The following TRPV3 variants were observed in gnomAD, a reference collection of about 807,000 sequenced individuals.
The protein encoded by TRPV3 is VRL-3.
TRPV3 carries 88 observed loss-of-function variants against 87.1 expected under a neutral mutation model. The ratio of observed to expected loss-of-function variants is 1.01; its 90% CI spans 0.85 to 1.21. TRPV3 has a LOEUF of 1.21. Among genes scored for constraint, TRPV3 ranks in the 50% most tolerant of loss-of-function variants. The pLI is 0.00. For synonymous variants in TRPV3, 438 were observed against 423.3 expected, an observed-to-expected ratio of 1.03 and a Z score of -0.43; for missense variants, 1,054 against 1,030.1, an observed-to-expected ratio of 1.02 and a Z score of -0.32.
At chr17:3,546,937 C>T (rs985811582) in intron 2 of TRPV3, 45 of 202,352 alleles carry the variant, frequency 2.2e-4, no homozygotes, top group Non-Finnish European at 4.1e-4. Context: ...TACTGCACTC[C>T]AGCCTGAGTA....
intron 2 of TRPV3, among the ~76,000 whole-genome samples, chr17:3,546,148 T>C (rs661835): frequency 0.31 from 46,482 of 151,938 alleles, 7,645 homozygotes; most frequent in Middle Eastern, 0.39. Context: ...CTGCACTTTA[T>C]GGAAGACAAA....
intron 8 of TRPV3, among the ~76,000 whole-genome samples, chr17:3,532,040 T>C (rs1215870357): frequency 6.6e-6 from 1 of 152,034 alleles, no homozygotes; most frequent in African/African-American, 2.4e-5. Context: ...CCAGAATCAG[T>C]CCCCTGAGAA....
At chr17:3,545,824 C>A (rs1372366703) in intron 2 of TRPV3, among the ~76,000 whole-genome samples, 46 of 124,544 alleles carry the variant, frequency 3.7e-4, no homozygotes, top group African/African-American at 4.5e-4. Flanking sequence ...ACTTAAAATG[C>A]AAAAAAAAAA....
At chr17:3,515,094 T>C (rs1251983757) in intron 16 of TRPV3, among the ~76,000 whole-genome samples, 1 of 152,020 alleles carries the variant, frequency 6.6e-6, no homozygotes, top group Non-Finnish European at 1.5e-5. Context: ...GTGGTTAGGG[T>C]CAGTGCCCCA....
intron 7 of TRPV3, among the ~76,000 whole-genome samples, chr17:3,533,606 C>T (rs1407284419): frequency 1.3e-5 from 2 of 150,712 alleles, no homozygotes; most frequent in Non-Finnish European, 2.9e-5. Flanking sequence ...TCAAGCTATT[C>T]TCCTGCCTCA....
Position 3,530,056 on chromosome 17 carries a change from C to T in TRPV3, c.1213G>A (p.Glu405Lys). ...ATGTTGGTGTTGTAGACAGTGATTT[C>T]CAGCACTGAGTTGTCCGTGGTGGTG... ...VDTTTDNSVLEITVYNTNIDN... is the reference protein window; with the variant it reads ...VDTTTDNSVLKITVYNTNIDN... The change falls in exon 9 of 18, where the codon GAA (glutamate) becomes AAA (lysine). Residue 405 changes from glutamate (E) to lysine (K), a missense_variant. Transcript: ENST00000576742. The surrounding 1 kb of genome is among the most constrained non-coding windows in gnomAD (Gnocchi z 4.0). 6.2e-7 allele frequency: 1 copy of T among 1,613,832 alleles called. No individual in the cohort carries two copies. Among genetic ancestry groups the T allele is most frequent in the Non-Finnish European group, 8.5e-7 (1 of 1,179,838 alleles).
In TRPV3 at chr17:3,511,194, T is replaced by C. The variant is rs537007638; in HGVS notation, c.*2723A>G. 1.3e-5 allele frequency: 2 copies of C among 152,298 alleles called. No homozygotes were observed. Among genetic ancestry groups the C allele is most frequent in the South Asian group, 4.1e-4 (2 of 4,826 alleles). The allele number at this position is 152,298 out of a possible 1,614,324, so 9.4% of individuals were successfully genotyped here. The stretch of plus-strand genomic sequence containing the variant: ...GTGTGTGTGTGCATGGGTGTGGTTT[T>C]GTGCACCCCTGTGGGCACACTTGAA... On this transcript the variant is annotated 3_prime_UTR_variant, in exon 18 of 18. Transcript: ENST00000576742.
intron 13 of TRPV3, among the ~76,000 whole-genome samples, chr17:3,522,727 G>C (rs560337015): frequency 3.6e-4 from 54 of 151,078 alleles, no homozygotes; most frequent in African/African-American, 1.2e-3. Context: ...TGGGGCGGGA[G>C]AATTGCTTGA....
Position 3,528,033 on chromosome 17 carries a change from C to G in TRPV3, c.1495G>C (p.Val499Leu), listed in dbSNP as rs1250357395. 2.5e-6 allele frequency: 4 copies of G among 1,613,474 alleles called. No individual in the cohort carries two copies. The Admixed American group carries it at 6.7e-5, about 27-fold the overall frequency. ...FVLIWAMCIS[V>L]KEGIAIFLLR... ...CCGGGTGGCCCACTTACCTCTTTCACAGAGATGCACATGGCCCAGATGAGC... is the reference window on the plus strand; with the variant it reads ...CCGGGTGGCCCACTTACCTCTTTCAGAGAGATGCACATGGCCCAGATGAGC... The change falls in exon 11 of 18, where the codon GTG (valine) becomes CTG (leucine). Residue 499 changes from valine to leucine, a missense_variant. Val to Leu is a conservative substitution (Grantham distance 32). Coordinates refer to ENST00000576742, the MANE Select transcript of TRPV3 (RefSeq NM_145068.4). This position sits in a 1 kb window ranked among gnomAD's most constrained non-coding sequence, Gnocchi z 4.2.
chr17:3,549,728 TGGA>T (rs1440066913), intron 2 of TRPV3, among the ~76,000 whole-genome samples: 29 of 141,868 alleles, frequency 2.0e-4, no homozygotes, highest in Non-Finnish European at 7.7e-5. Flanking sequence ...GATGGATGGA[TGGA>T]GGATGGATGG....
intron 17 of TRPV3, 183 bp from the exon 18 acceptor site, chr17:3,514,194 T>C (rs910093666): frequency 6.7e-5 from 36 of 539,732 alleles, no homozygotes; most frequent in African/African-American, 6.1e-4. Flanking sequence ...TTCTCCTGAC[T>C]CAGCCTCTCG....
intron 2 of TRPV3, among the ~76,000 whole-genome samples, chr17:3,551,507 C>T (rs1264566489): frequency 6.6e-6 from 1 of 152,200 alleles, no homozygotes; most frequent in Admixed American, 6.5e-5. Flanking sequence ...AGCTCTATAC[C>T]ATTTCTACTG....
At chr17:3,515,222 G>C (rs4790507) in intron 16 of TRPV3, among the ~76,000 whole-genome samples, 111,645 of 152,058 alleles carry the variant, frequency 0.73, 41,328 homozygotes, top group East Asian at 0.85. Context: ...TGTTTGTTAG[G>C]GTAATGATTG....
At chr17:3,514,369 G>A (rs752080642) in intron 17 of TRPV3, 6 of 565,250 alleles carry the variant, frequency 1.1e-5, no homozygotes, top group Admixed American at 3.2e-5. Context: ...ACGAGCCACC[G>A]CGCCCGGCCT....
intron 2 of TRPV3, among the ~76,000 whole-genome samples, chr17:3,549,475 A>C (rs2074553245): frequency 6.6e-6 from 1 of 152,242 alleles, no homozygotes; most frequent in Non-Finnish European, 1.5e-5. Context: ...CAGTTGAATT[A>C]TCCTTGATTC....
intron 13 of TRPV3, among the ~76,000 whole-genome samples, chr17:3,523,907 T>TAC (rs111416025): frequency 0.15 from 21,943 of 149,896 alleles, 1,919 homozygotes; most frequent in African/African-American, 0.25. Context: ...CACACACACA[T>TAC]ACACACACAC....
intron 6 of TRPV3, among the ~76,000 whole-genome samples, chr17:3,541,457 C>T (rs1281344640): frequency 6.6e-6 from 1 of 152,180 alleles, no homozygotes; most frequent in Admixed American, 6.5e-5. Flanking sequence ...ATCGCTTTTG[C>T]CACGAGCACC....
At chr17:3,521,285 T>A (rs2074243395) in intron 13 of TRPV3, among the ~76,000 whole-genome samples, 1 of 152,248 alleles carries the variant, frequency 6.6e-6, no homozygotes, top group African/African-American at 2.4e-5. Flanking sequence ...ACCCTGTACC[T>A]TTCACCATAG....
In TRPV3 at chr17:3,543,475, A is replaced by C. The variant is rs958167729; in HGVS notation, c.465T>G (p.Pro155=). 2.5e-6 allele frequency: 4 copies of C among 1,612,830 alleles called. No individual in the cohort carries two copies. Among genetic ancestry groups the C allele is most frequent in the Admixed American group, 3.3e-5 (2 of 60,002 alleles). The change falls in exon 5 of 18, where the codon CCT becomes CCG. Residue 155 remains proline (P), a splice_region_variant and synonymous_variant. Coordinates refer to ENST00000576742, the MANE Select transcript of TRPV3 (RefSeq NM_145068.4). ...CCTCTGCCAGGCTCAGACACTCACC[A>C]GGCACATCCTCATCATGGCGCCGCC... ...LCRRRHDEDV[P]DFLMHKLTAS...
Sources: allele counts gnomAD v4.1 joint callset (sites outside exome capture counted in the v4.1 genomes callset), GRCh38; gene constraint gnomAD v4.1.1; non-coding constraint Gnocchi (gnomAD v3.1); transcripts MANE v1.5; gene names NCBI Gene and HGNC (gene_info 2026-07-23, HGNC 2026-07-21).